Variants in CCDC148 observed in about 807,000 individuals in gnomAD.
CCDC148 encodes the protein coiled-coil domain containing 148.
Under a neutral mutation model 85.7 loss-of-function variants are expected in CCDC148, and 89 were observed. That is an observed-to-expected ratio of 1.04 (90% confidence interval 0.87 to 1.24). CCDC148 has a LOEUF of 1.24. Ranked by LOEUF, CCDC148 falls within the 50% of genes most tolerant of loss-of-function variation. The pLI is 0.00. For missense variants in CCDC148, 692 were observed against 671.7 expected (o/e 1.03, Z -0.33); for synonymous variants, 230 against 213.9 (o/e 1.08, Z -0.66).
At chr2:158,389,178 A>T (rs560886854) in intron 1 of CCDC148, among the ~76,000 whole-genome samples, 2 of 152,302 alleles carry the variant, frequency 1.3e-5, no homozygotes, top group Admixed American at 1.3e-4. Flanking sequence ...AGAACTTAAA[A>T]ATCTCACAGC....
chr2:158,247,628 G>A (rs1424440562), intron 10 of CCDC148, among the ~76,000 whole-genome samples: 2 of 152,120 alleles, frequency 1.3e-5, no homozygotes, highest in South Asian at 2.1e-4. Context: ...AGGCTGAGGC[G>A]GGCGGATCAT....
At chr2:158,313,321 C>A (rs1157603928) in intron 8 of CCDC148, among the ~76,000 whole-genome samples, 1 of 152,156 alleles carries the variant, frequency 6.6e-6, no homozygotes, top group African/African-American at 2.4e-5. Context: ...AAGTACCACC[C>A]CCAGGGCAAG....
In CCDC148 at chr2:158,358,489, G is replaced by C; in HGVS notation, c.107C>G (p.Thr36Ser). 1 of 1,607,850 alleles carries C rather than the reference G, an allele frequency of 6.2e-7. No homozygotes were observed. The highest frequency in any genetic ancestry group is 8.5e-7 in the Non-Finnish European group (1 of 1,178,050). Residue 36 changes from threonine to serine, a missense_variant, in exon 2 of 14, where the codon ACT (threonine) becomes AGT (serine). Physicochemically the swap from Thr to Ser is moderately conservative, Grantham distance 58 (BLOSUM62 1). Transcript: ENST00000283233. ...GGCAGAAGCCAATTTCTTTGCTTCA[G>C]TTAATGCACGCAATTGTTGATAGTC... ...PVDYQQLRAL[T>S]EAKKLASASA...
rs533841708 is a variant in CCDC148, at chr2:158,174,047, C to G, written c.1630-1788G>C. On this transcript the variant is annotated intron_variant, in intron 13 of 13. Transcript: ENST00000283233. ...AAACATGGTATAAGTAAAACAAATTCTCTCTTTCCCTAAATCTGTTTTTCT... is the reference window on the plus strand; with the variant it reads ...AAACATGGTATAAGTAAAACAAATTGTCTCTTTCCCTAAATCTGTTTTTCT... Among the ~76,000 whole-genome samples the G allele has an allele frequency of 2.0e-5, 3 of 152,064 alleles. No homozygotes were observed. In the East Asian group the frequency reaches 5.8e-4, roughly 30 times the overall value.
chr2:158,208,374 T>C (rs1316994780), intron 11 of CCDC148, among the ~76,000 whole-genome samples: 1 of 152,136 alleles, frequency 6.6e-6, no homozygotes, highest in East Asian at 1.9e-4. Flanking sequence ...GCCCCCTTCC[T>C]CCTTTGTAGA....
Position 158,290,410 on chromosome 2 carries a change from G to C in CCDC148, c.1110+19023C>G, listed in dbSNP as rs369690896. ...ATCATGCCTACAGTTCGACTGTTTA[G>C]CCAGAGCACGTCATCCTCTGCTCAC... On this transcript the variant is annotated intron_variant, in intron 9 of 13. Coordinates refer to ENST00000283233, the MANE Select transcript of CCDC148 (RefSeq NM_138803.4). Among the ~76,000 whole-genome samples the C allele has an allele frequency of 5.9e-5, 9 of 152,204 alleles. No individual in the cohort carries two copies. The South Asian group carries it at 1.7e-3, about 28-fold the overall frequency.
intron 11 of CCDC148, among the ~76,000 whole-genome samples, chr2:158,209,157 T>C (rs986864582): frequency 2.6e-5 from 4 of 151,776 alleles, no homozygotes; most frequent in African/African-American, 9.7e-5. Context: ...TTTTCAGGGG[T>C]AGTCCCCCAA....
intron 2 of CCDC148, among the ~76,000 whole-genome samples, chr2:158,357,746 T>TAA (rs138187399): frequency 4.3e-4 from 66 of 152,162 alleles, no homozygotes; most frequent in African/African-American, 1.4e-3. Context: ...TTGCCTTCTA[T>TAA]AAAAAAAGAT....
At chr2:158,234,360 A>G (rs1288942896) in intron 10 of CCDC148, among the ~76,000 whole-genome samples, 1 of 152,128 alleles carries the variant, frequency 6.6e-6, no homozygotes, top group Admixed American at 6.6e-5. Flanking sequence ...TGCAATTAAA[A>G]CTGTTTGCGT....
At chr2:158,179,065 C>CA in intron 11 of CCDC148, 69 bp from the exon 12 acceptor site, 1 of 1,173,410 alleles carries the variant, frequency 8.5e-7, no homozygotes, top group Non-Finnish European at 1.3e-6. Context: ...CAGAAAACAG[C>CA]ATAGGGGCAG....
At chr2:158,284,142 G>A (rs1164594965) in intron 9 of CCDC148, among the ~76,000 whole-genome samples, 2 of 117,728 alleles carry the variant, frequency 1.7e-5, no homozygotes, top group African/African-American at 6.2e-5. Context: ...GGGGGGAGGG[G>A]GAGGGATAGC....
chr2:158,337,462 A>T (rs139607122), intron 7 of CCDC148, among the ~76,000 whole-genome samples: 1 of 152,200 alleles, frequency 6.6e-6, no homozygotes, highest in Non-Finnish European at 1.5e-5. Context: ...TGTTCATTTA[A>T]CAATTGGAGA....
intron 9 of CCDC148, among the ~76,000 whole-genome samples, chr2:158,282,083 C>T (rs1436709477): frequency 6.6e-6 from 1 of 151,552 alleles, no homozygotes; most frequent in East Asian, 1.9e-4. Context: ...AACAACGCTT[C>T]ATGCTAAAAA....
rs765239755 is a variant in CCDC148 at position 158,176,547 on chromosome 2, T to C, written c.1603A>G (p.Thr535Ala). The change falls in exon 13 of 14, where the codon ACA (threonine) becomes GCA (alanine). Residue 535 changes from threonine to alanine, a missense_variant. Physicochemically the swap from Thr to Ala is moderately conservative, Grantham distance 58. Coordinates refer to ENST00000283233, the MANE Select transcript of CCDC148 (RefSeq NM_138803.4). The part of the protein sequence containing the change: ...EEFILQKPLF[T>A]LNTYNEQQII... ...TGCTGTTCATTGTATGTATTCAATG[T>C]GAAGAGTGGCTTTTGAAGAATAAAT... 1.9e-6 allele frequency: 3 copies of C among 1,612,066 alleles called. No individual in the cohort carries two copies. Among genetic ancestry groups the C allele is most frequent in the East Asian group, 4.5e-5 (2 of 44,620 alleles).
intron 11 of CCDC148, among the ~76,000 whole-genome samples, chr2:158,212,310 T>C (rs574169434): frequency 2.6e-5 from 4 of 152,226 alleles, no homozygotes; most frequent in Non-Finnish European, 5.9e-5. Flanking sequence ...TGTAAAAATT[T>C]CTGATTAAGT....
At chr2:158,251,922 A>G (rs570115129) in intron 9 of CCDC148, among the ~76,000 whole-genome samples, 3 of 151,876 alleles carry the variant, frequency 2.0e-5, no homozygotes, top group Admixed American at 2.0e-4. Flanking sequence ...TTATTCTTTA[A>G]ACCTTTCTGT....
chr2:158,351,462 G>C (rs532998798), intron 2 of CCDC148, among the ~76,000 whole-genome samples: 3 of 60,718 alleles, frequency 4.9e-5, no homozygotes, highest in African/African-American at 2.3e-4. Context: ...CCGAGTCAAA[G>C]AAAGGGGCAC....
intron 12 of CCDC148, 33 bp downstream of exon 12, chr2:158,178,846 A>T (rs569202629): frequency 2.7e-6 from 4 of 1,472,230 alleles, no homozygotes; most frequent in Non-Finnish European, 3.8e-6. Context: ...TTTTTAAAAA[A>T]ACCACCCATG....
intron 13 of CCDC148, among the ~76,000 whole-genome samples, chr2:158,175,593 C>A (rs993185298): frequency 2.0e-5 from 3 of 152,028 alleles, no homozygotes; most frequent in African/African-American, 4.8e-5. Context: ...TTCCTCCAGA[C>A]AAGATCAGCC....
Sources: allele counts gnomAD v4.1 joint callset (sites outside exome capture counted in the v4.1 genomes callset), GRCh38; gene constraint gnomAD v4.1.1; transcripts MANE v1.5; gene names NCBI Gene and HGNC (gene_info 2026-07-23, HGNC 2026-07-21).